CAD: variants seen among roughly 807,000 people sequenced by gnomAD.
CAD encodes the protein carbamoyl-phosphate synthetase 2, aspartate transcarbamylase, and dihydroorotase.
A neutral mutation model predicts 237.2 loss-of-function variants in CAD; 81 were observed. That is an observed-to-expected ratio of 0.34 (90% confidence interval 0.29 to 0.41). The LOEUF (loss-of-function observed/expected upper bound fraction) is 0.41. Ranked by LOEUF, CAD falls within the 10% of genes least tolerant of loss-of-function variation. The pLI is 1.00. For missense variants in CAD, 2,181 were observed against 2,951.7 expected (o/e 0.74, Z 6.05); for synonymous variants, 1,196 against 1,162.8 (o/e 1.03, Z -0.58).
In CAD at chr2:27,220,921, G is replaced by A. The variant is rs545115296; in HGVS notation, c.223-297G>A. Among the ~76,000 whole-genome samples, 10 of 152,214 alleles carry A rather than the reference G, an allele frequency of 6.6e-5. No individual in the cohort carries two copies. In the South Asian group the frequency reaches 8.3e-4, roughly 13 times the overall value. On this transcript the variant is annotated intron_variant, in intron 2 of 43. Coordinates refer to ENST00000264705, the MANE Select transcript of CAD (RefSeq NM_004341.5). ...TGCAGTGAGCTTAGATGTCGCCACT[G>A]CATTGCAGCCTGGGTGACAGAGTGA...
chr2:27,235,676 C>G lies in CAD; in HGVS notation c.4074+36C>G, dbSNP rs759978553. The G allele has an allele frequency of 3.2e-6, 5 of 1,567,750 alleles. No individual in the cohort carries two copies. Among genetic ancestry groups the G allele is most frequent in the Non-Finnish European group, 4.4e-6 (5 of 1,138,434 alleles). On this transcript the variant is annotated intron_variant, in intron 25 of 43. Coordinates refer to ENST00000264705, the MANE Select transcript of CAD (RefSeq NM_004341.5). The surrounding 1 kb of genome is among the most constrained non-coding windows in gnomAD (Gnocchi z 5.2). ...TCTGGCAACCTACCCCACTGCTGCC[C>G]TTCCCCAAGGGGGTGAAAATACTGC...
At chr2:27,231,200 G>A (rs1290909983) in intron 15 of CAD, among the ~76,000 whole-genome samples, 3 of 152,164 alleles carry the variant, frequency 2.0e-5, no homozygotes, top group African/African-American at 4.8e-5. Flanking sequence ...TAGAGACGGG[G>A]TTTCACCATG....
At chr2:27,231,376 G>T in intron 15 of CAD, 92 bp from the exon 16 acceptor site, 1 of 736,358 alleles carries the variant, frequency 1.4e-6, no homozygotes, top group Non-Finnish European at 2.4e-6. Flanking sequence ...ATCTCCCAGA[G>T]TCTTGACTAT....
chr2:27,224,687 G>T, intron 9 of CAD, 58 bp from the exon 10 acceptor site: 1 of 1,609,744 alleles, frequency 6.2e-7, no homozygotes, highest in Non-Finnish European at 8.5e-7. Flanking sequence ...GCTACTCTAA[G>T]GCTGTTTGCA....
intron 15 of CAD, among the ~76,000 whole-genome samples, chr2:27,229,163 C>T (rs1213188919): frequency 6.6e-6 from 1 of 152,062 alleles, no homozygotes; most frequent in Non-Finnish European, 1.5e-5. Context: ...CGTGATCCGC[C>T]TGCCTCGGCC....
In CAD at chr2:27,243,582, C is replaced by T; in HGVS notation, c.*64C>T. On this transcript the variant is annotated 3_prime_UTR_variant, in exon 44 of 44. Coordinates refer to ENST00000264705, the MANE Select transcript of CAD (RefSeq NM_004341.5). ...GCTGGGCAAGGAATTCCAGTGCCTCCTACGGGGGCAGCACACTTAGATATT... is the reference window on the plus strand; with the variant it reads ...GCTGGGCAAGGAATTCCAGTGCCTCTTACGGGGGCAGCACACTTAGATATT... 1 of 1,217,572 alleles carries T rather than the reference C, an allele frequency of 8.2e-7. No individual in the cohort carries two copies. The highest frequency in any genetic ancestry group is 1.2e-6 in the Non-Finnish European group (1 of 847,474). 75.4% of individuals were successfully genotyped at this position (1,217,572 alleles called of 1,614,324 possible). A position where few individuals can be genotyped will look rare whatever the true frequency, so the allele number is the denominator to read the frequency against.
In CAD at chr2:27,233,776, G is replaced by A. The variant is rs1376448954; in HGVS notation, c.3367G>A (p.Val1123Met). 2.5e-6 allele frequency: 4 copies of A among 1,613,978 alleles called. No homozygotes were observed. Among genetic ancestry groups the A allele is most frequent in the Non-Finnish European group, 2.5e-6 (3 of 1,180,048 alleles). The change falls in exon 21 of 44, where the codon GTG becomes ATG. Residue 1123 changes from valine to methionine, a missense_variant. Transcript: ENST00000264705. This position sits in a 1 kb window ranked among gnomAD's most constrained non-coding sequence, Gnocchi z 6.3. Reference protein sequence around the residue: ...SAAAVSKEHPVVISKFIQEAK... With the variant: ...SAAAVSKEHPMVISKFIQEAK... Reference sequence around the variant, plus strand: ...AGCAGCCGTCTCCAAAGAGCATCCCGTGGTCATCTCCAAGTTCATCCAGGA... The same window carrying A: ...AGCAGCCGTCTCCAAAGAGCATCCCATGGTCATCTCCAAGTTCATCCAGGA...
chr2:27,224,331 C>G lies in CAD; in HGVS notation c.1109-14C>G, dbSNP rs1343800430. 6.2e-7 allele frequency: 1 copy of G among 1,614,116 alleles called. No homozygotes were observed. Among genetic ancestry groups the G allele is most frequent in the East Asian group, 2.2e-5 (1 of 44,886 alleles). Reference sequence around the variant, plus strand: ...CTCAGCTCTAACATTCTACGACCTTCTTTGCTTCCACAGTTAGAGAGCGGC... The same window carrying G: ...CTCAGCTCTAACATTCTACGACCTTGTTTGCTTCCACAGTTAGAGAGCGGC... On this transcript the variant is annotated splice_polypyrimidine_tract_variant and intron_variant, in intron 8 of 43. Coordinates refer to ENST00000264705, the MANE Select transcript of CAD (RefSeq NM_004341.5).
In CAD at chr2:27,235,557, A is replaced by G; in HGVS notation, c.3991A>G (p.Thr1331Ala). The G allele has an allele frequency of 6.2e-7, 1 of 1,614,162 alleles. No homozygotes were observed. Among genetic ancestry groups the G allele is most frequent in the Non-Finnish European group, 8.5e-7 (1 of 1,180,030 alleles). Residue 1331 changes from threonine (T) to alanine (A), a missense_variant, in exon 25 of 44, where the codon ACT becomes GCT. Physicochemically the swap from Thr to Ala is moderately conservative, Grantham distance 58 (BLOSUM62 0). Coordinates refer to ENST00000264705, the MANE Select transcript of CAD (RefSeq NM_004341.5). This position sits in a 1 kb window ranked among gnomAD's most constrained non-coding sequence, Gnocchi z 5.2. ...TCAGAACAAAAGCGAGCTGCTCCCAACTGTGCGGCTACTGGAGAGCCTGGG... is the reference window on the plus strand; with the variant it reads ...TCAGAACAAAAGCGAGCTGCTCCCAGCTGTGCGGCTACTGGAGAGCCTGGG... ...SYKNKSELLPTVRLLESLGYS... is the reference protein window; with the variant it reads ...SYKNKSELLPAVRLLESLGYS...
Position 27,232,349 on chromosome 2 carries a change from C to T in CAD, c.2646-99C>T, listed in dbSNP as rs1330792753. 4.4e-6 allele frequency: 7 copies of T among 1,577,452 alleles called. No homozygotes were observed. The Middle Eastern group carries it at 5.7e-4, about 129-fold the overall frequency. On this transcript the variant is annotated intron_variant, in intron 17 of 43. Transcript: ENST00000264705. The surrounding 1 kb of genome is among the most constrained non-coding windows in gnomAD (Gnocchi z 4.1). ...CTTTAGAGGCTTCTGACCTTGGTTCCAAGGATATTTCCTCTCATCTGTGCC... is the reference window on the plus strand; with the variant it reads ...CTTTAGAGGCTTCTGACCTTGGTTCTAAGGATATTTCCTCTCATCTGTGCC...
chr2:27,243,331 G>T, intron 43 of CAD, 39 bp downstream of exon 43: 1 of 1,611,352 alleles, frequency 6.2e-7, no homozygotes, highest in East Asian at 2.2e-5. Flanking sequence ...CTCGGGGCTG[G>T]TGGACGGGAG....
intron 2 of CAD, 147 bp from the exon 3 acceptor site, chr2:27,221,071 G>C (rs1572421372): frequency 2.0e-6 from 1 of 504,612 alleles, no homozygotes; most frequent in Admixed American, 4.1e-5. Context: ...TTGGTAAATG[G>C]AAATACCTAT....
chr2:27,242,209 T>G lies in CAD; in HGVS notation c.6096+86T>G. ...CCTTCTGCCCACGTTTTCTGTGTTT[T>G]GGGCCAGATGAGTGAGGGGACCCCA... On this transcript the variant is annotated intron_variant, in intron 39 of 43. Transcript: ENST00000264705. This position sits in a 1 kb window ranked among gnomAD's most constrained non-coding sequence, Gnocchi z 6.4. 2.5e-6 allele frequency: 4 copies of G among 1,583,728 alleles called. No individual in the cohort carries two copies. Among genetic ancestry groups the G allele is most frequent in the South Asian group, 1.1e-5 (1 of 87,794 alleles).
chr2:27,241,018 A>G lies in CAD; in HGVS notation c.5639-40A>G, dbSNP rs767511687. On this transcript the variant is annotated intron_variant, in intron 36 of 43. Transcript: ENST00000264705. This position sits in a 1 kb window ranked among gnomAD's most constrained non-coding sequence, Gnocchi z 4.6. ...CTCTGATCTGGCCTTGGTAGGAGGA[A>G]CCCTCTGACCAGCCTTTTCTGCCCC... 9.3e-6 allele frequency: 15 copies of G among 1,613,422 alleles called. No individual in the cohort carries two copies. The highest frequency in any genetic ancestry group is 1.1e-5 in the Non-Finnish European group (13 of 1,179,698).
chr2:27,217,977 C>A lies in CAD; in HGVS notation c.183C>A (p.Gly61=), dbSNP rs1451589885. 1 of 1,612,302 alleles carries A rather than the reference C, an allele frequency of 6.2e-7. No individual in the cohort carries two copies. ...VLTYPLIGNY[G]IPPDEMDEFG... Reference sequence around the variant, plus strand: ...CCTATCCTCTGATCGGCAACTATGGCATCCCCCCAGATGAAATGGATGAGT... The same window carrying A: ...CCTATCCTCTGATCGGCAACTATGGAATCCCCCCAGATGAAATGGATGAGT... The change falls in exon 2 of 44, where the codon GGC becomes GGA. Residue 61 remains glycine, a synonymous_variant. Coordinates refer to ENST00000264705, the MANE Select transcript of CAD (RefSeq NM_004341.5).
intron 31 of CAD, among the ~76,000 whole-genome samples, 198 bp from the exon 32 acceptor site, chr2:27,238,844 A>G (rs1346122720): frequency 1.3e-5 from 2 of 152,230 alleles, no homozygotes; most frequent in Non-Finnish European, 2.9e-5. Flanking sequence ...ACTGCAAGTG[A>G]AAGAATACAT....
chr2:27,222,734 T>G, intron 5 of CAD, 74 bp downstream of exon 5: 2 of 1,586,802 alleles, frequency 1.3e-6, no homozygotes, highest in East Asian at 4.5e-5. Flanking sequence ...GTCCAATTGC[T>G]AAAAGTCAGT....
At chr2:27,220,707 C>T (rs1675116293) in intron 2 of CAD, among the ~76,000 whole-genome samples, 1 of 151,816 alleles carries the variant, frequency 6.6e-6, no homozygotes, top group African/African-American at 2.4e-5. Flanking sequence ...CCTGTAATCC[C>T]AGCACTTTGG....
At position 27,233,472 on chromosome 2, in the gene CAD, T is replaced by C; in HGVS notation, c.3152T>C (p.Phe1051Ser). The C allele has an allele frequency of 6.2e-7, 1 of 1,614,228 alleles. No individual in the cohort carries two copies. Among genetic ancestry groups the C allele is most frequent in the Non-Finnish European group, 8.5e-7 (1 of 1,180,048 alleles). The change falls in exon 20 of 44, where the codon TTT (phenylalanine) becomes TCT (serine). Residue 1051 changes from phenylalanine (F) to serine (S), a missense_variant. By Grantham distance (155) the Phe-to-Ser change is radical. This residue lies in a region of CAD where 306 missense variants were observed against 607.9 expected (regional missense o/e 0.50). Coordinates refer to ENST00000264705, the MANE Select transcript of CAD (RefSeq NM_004341.5). This position sits in a 1 kb window ranked among gnomAD's most constrained non-coding sequence, Gnocchi z 6.3. ...AIDSAENRFKFSRLLDTIGIS... is the reference protein window; with the variant it reads ...AIDSAENRFKSSRLLDTIGIS... ...GACTCGGCTGAGAACCGTTTCAAGT[T>C]TTCCCGGCTCCTTGACACCATTGGT...
Sources: allele counts gnomAD v4.1 joint callset (sites outside exome capture counted in the v4.1 genomes callset), GRCh38; gene constraint gnomAD v4.1.1; regional missense constraint gnomAD v4.1.1; non-coding constraint Gnocchi (gnomAD v3.1); transcripts MANE v1.5; gene names NCBI Gene and HGNC (gene_info 2026-07-23, HGNC 2026-07-21).